The following PTGER3 variants were observed in gnomAD, a reference collection of about 807,000 sequenced individuals.
PTGER3 encodes the protein prostaglandin E2 receptor EP3 subtype.
Under a neutral mutation model 34.7 loss-of-function variants are expected in PTGER3, and 22 were observed. That is an observed-to-expected ratio of 0.63 (90% confidence interval 0.45 to 0.91). The LOEUF is 0.91. Among genes scored for constraint, PTGER3 ranks in the 40% least tolerant of loss-of-function variants. The probability of loss-of-function intolerance (pLI) is 0.00; values close to 1 mark genes in which losing one functional copy is unlikely to be tolerated. For synonymous variants in PTGER3, 241 were observed against 230.1 expected (o/e 1.05, Z -0.43); for missense variants, 468 against 519.4 (o/e 0.90, Z 0.96).
downstream of PTGER3, chr1:70,950,710 C>T (rs1035428861): frequency 1.3e-5 from 2 of 151,986 alleles, no homozygotes; most frequent in Non-Finnish European, 2.9e-5. Flanking sequence ...TCTTCTTCTT[C>T]TTCTTTTTAT....
At chr1:71,008,863 T>C (rs1657197334) in intron 2 of PTGER3, 1 of 962,062 alleles carries the variant, frequency 1.0e-6, no homozygotes, top group Non-Finnish European at 1.2e-6. Flanking sequence ...TATGTGTTTG[T>C]AATAATAAAT....
At chr1:70,908,501 G>GC (rs1173107506) in intron 4 of PTGER3, among the ~76,000 whole-genome samples, 2 of 152,144 alleles carry the variant, frequency 1.3e-5, no homozygotes, top group African/African-American at 2.4e-5. Context: ...GTAGGATTGA[G>GC]CTCCAAGTAC....
chr1:70,920,197 T>C (rs1449850597), intron 4 of PTGER3, among the ~76,000 whole-genome samples: 1 of 152,150 alleles, frequency 6.6e-6, no homozygotes, highest in African/African-American at 2.4e-5. Flanking sequence ...CAAGGTGAAA[T>C]GAATGTTCAA....
At chr1:70,906,398 T>C (rs1006223795) in intron 4 of PTGER3, among the ~76,000 whole-genome samples, 2 of 152,200 alleles carry the variant, frequency 1.3e-5, no homozygotes, top group African/African-American at 4.8e-5. Context: ...CATGGATGCC[T>C]ACATTCTACC....
At chr1:70,924,898 C>A (rs905573135) in intron 4 of PTGER3, among the ~76,000 whole-genome samples, 1 of 152,152 alleles carries the variant, frequency 6.6e-6, no homozygotes, top group Non-Finnish European at 1.5e-5. Context: ...TTTCCTGTAA[C>A]AATATGGCTA....
chr1:71,035,209 A>G (rs1461376656), intron 1 of PTGER3, among the ~76,000 whole-genome samples: 1 of 152,238 alleles, frequency 6.6e-6, no homozygotes, highest in Non-Finnish European at 1.5e-5. Flanking sequence ...TTATTTTACA[A>G]ATATAGAACA....
chr1:70,894,725 TC>T (rs1334340758), intron 4 of PTGER3, among the ~76,000 whole-genome samples: 1 of 152,176 alleles, frequency 6.6e-6, no homozygotes, highest in African/African-American at 2.4e-5. Flanking sequence ...CTCTCCCCAC[TC>T]ATCCCACCCT....
At chr1:70,853,979 T>G (rs1645742619) in intron 4 of PTGER3, among the ~76,000 whole-genome samples, 1 of 152,094 alleles carries the variant, frequency 6.6e-6, no homozygotes, top group Admixed American at 6.6e-5. Context: ...AAACTCAAAA[T>G]GAATTAAAGA....
At chr1:71,036,535 T>A (rs920390398) in intron 1 of PTGER3, among the ~76,000 whole-genome samples, 1 of 148,874 alleles carries the variant, frequency 6.7e-6, no homozygotes, top group African/African-American at 2.5e-5. Flanking sequence ...ATAAATTAAT[T>A]AAAAATAAAA....
chr1:70,969,158 G>A (rs913954965), downstream of PTGER3, among the ~76,000 whole-genome samples: 1 of 152,084 alleles, frequency 6.6e-6, no homozygotes, highest in Non-Finnish European at 1.5e-5. Flanking sequence ...AGTGACCCGA[G>A]ATCGCACCAT....
chr1:71,008,003 A>G (rs1657115573), intron 2 of PTGER3: 9 of 985,198 alleles, frequency 9.1e-6, no homozygotes, highest in Non-Finnish European at 1.1e-5. Flanking sequence ...TTACTACACA[A>G]CAGATTCTGA....
intron 4 of PTGER3, among the ~76,000 whole-genome samples, chr1:70,941,275 G>A (rs1301550294): frequency 6.6e-6 from 1 of 152,064 alleles, no homozygotes; most frequent in East Asian, 1.9e-4. Flanking sequence ...TTTTACCATT[G>A]AATACTTATA....
At chr1:70,998,733 T>C (rs1656201756) in intron 2 of PTGER3, among the ~76,000 whole-genome samples, 2 of 152,234 alleles carry the variant, frequency 1.3e-5, no homozygotes, top group Admixed American at 1.3e-4. Flanking sequence ...GGAAATTCTC[T>C]GGTAGTTCTG....
chr1:70,867,326 T>C (rs1646064254), intron 4 of PTGER3, among the ~76,000 whole-genome samples: 1 of 152,232 alleles, frequency 6.6e-6, no homozygotes, highest in South Asian at 2.1e-4. Flanking sequence ...ACACTATTCA[T>C]ATTTATTTGT....
chr1:71,027,126 T>G (rs1007922018), intron 1 of PTGER3, among the ~76,000 whole-genome samples: 1 of 152,144 alleles, frequency 6.6e-6, no homozygotes, highest in African/African-American at 2.4e-5. Flanking sequence ...AAAATGCTTT[T>G]GGTGAATTCA....
At chr1:70,974,468 A>T in intron 2 of PTGER3, 80 bp from the exon 3 acceptor site, 1 of 731,808 alleles carries the variant, frequency 1.4e-6, no homozygotes, top group Non-Finnish European at 2.5e-6. Context: ...TGCATATCAA[A>T]GTCACATTGG....
At chr1:70,950,587 T>A (rs939699824), downstream of PTGER3, 1 of 152,216 alleles carries the variant, frequency 6.6e-6, no homozygotes, top group Non-Finnish European at 1.5e-5. Context: ...CAAGAGATAA[T>A]GTATTTTAGA....
chr1:70,859,901 C>A (rs893193523), intron 4 of PTGER3, among the ~76,000 whole-genome samples: 1 of 152,068 alleles, frequency 6.6e-6, no homozygotes, highest in East Asian at 1.9e-4. Context: ...ATAGAACTTA[C>A]TATTTGGTTA....
downstream of PTGER3, among the ~76,000 whole-genome samples, chr1:70,969,610 A>T (rs144471857): frequency 6.6e-6 from 1 of 152,320 alleles, no homozygotes; most frequent in Non-Finnish European, 1.5e-5. Flanking sequence ...GTAAGGAAAA[A>T]ACAAAAATAC....
Sources: allele counts gnomAD v4.1 joint callset (sites outside exome capture counted in the v4.1 genomes callset), GRCh38; gene constraint gnomAD v4.1.1; transcripts MANE v1.5; gene names NCBI Gene and HGNC (gene_info 2026-07-23, HGNC 2026-07-21).